The following IL6ST variants were observed in gnomAD, a reference collection of about 807,000 sequenced individuals.
IL6ST encodes the protein interleukin 6 cytokine family signal transducer, also known as interleukin-6 receptor subunit beta.
Under a neutral mutation model 91.3 loss-of-function variants are expected in IL6ST, and 24 were observed. That is an observed-to-expected ratio of 0.26 (90% CI 0.19 to 0.37). IL6ST has a LOEUF of 0.37. IL6ST is among the 10% of genes least tolerant of loss of function. The pLI, the probability that IL6ST is intolerant of heterozygous loss-of-function variation, is 1.00. For synonymous variants in IL6ST, 351 were observed against 373.6 expected, an observed-to-expected ratio of 0.94 and a Z score of 0.70; for missense variants, 914 against 1,078.5, an observed-to-expected ratio of 0.85 and a Z score of 2.14.
At chr5:55,952,197 T>G in intron 12 of IL6ST, 53 bp downstream of exon 12, 1 of 1,502,198 alleles carries the variant, frequency 6.7e-7, no homozygotes, top group Non-Finnish European at 9.2e-7. Flanking sequence ...AAAATGTTTC[T>G]GTTAATACAA....
Position 55,938,665 on chromosome 5 carries a change from A to C in IL6ST, c.*2417T>G, listed in dbSNP as rs1750685134. ...GACTAGTTTTTACATAAATAACCAG[A>C]TTTCTTTGCCTACCTAAAGTACAAT... On this transcript the variant is annotated 3_prime_UTR_variant, in exon 17 of 17. Transcript: ENST00000381298. The C allele has an allele frequency of 5.1e-6, 1 of 196,386 alleles. No homozygotes were observed. The highest frequency in any genetic ancestry group is 6.1e-5 in the Admixed American group (1 of 16,500). 12.2% of individuals were successfully genotyped at this position (196,386 alleles called of 1,614,324 possible). A position where few individuals can be genotyped will look rare whatever the true frequency, so the allele number is the denominator to read the frequency against.
chr5:55,960,795 A>G (rs926268610), intron 7 of IL6ST, among the ~76,000 whole-genome samples: 4 of 151,634 alleles, frequency 2.6e-5, no homozygotes, highest in African/African-American at 9.7e-5. Flanking sequence ...ACTCTCAGCT[A>G]ATTTCTGTAC....
intron 1 of IL6ST, among the ~76,000 whole-genome samples, chr5:55,983,791 A>G (rs1450696573): frequency 1.3e-5 from 2 of 152,218 alleles, no homozygotes; most frequent in South Asian, 2.1e-4. Flanking sequence ...CATGTATTAT[A>G]TAACTTTACA....
chr5:55,976,395 G>T, intron 2 of IL6ST, 102 bp from the exon 3 acceptor site: 1 of 532,600 alleles, frequency 1.9e-6, no homozygotes, highest in Non-Finnish European at 3.1e-6. Flanking sequence ...GTTTCTAAAA[G>T]GTGGTAAAAT....
At chr5:55,950,034 T>C (rs1319635378) in intron 14 of IL6ST, among the ~76,000 whole-genome samples, 1 of 152,168 alleles carries the variant, frequency 6.6e-6, no homozygotes, top group Non-Finnish European at 1.5e-5. Flanking sequence ...ATGAGGAGCT[T>C]GCAGTTGAAG....
Position 55,951,555 on chromosome 5 carries a change from A to G in IL6ST, c.1749T>C (p.Thr583=). The part of the protein sequence containing the change: ...SHTEYTLSSL[T]SDTLYMVRMA... The stretch of plus-strand genomic sequence containing the variant: ...TTCGTACCATGTACAATGTGTCACT[A>G]GTCAAAGAGGACAATGTATATTCTG... The change falls in exon 14 of 17, where the codon ACT becomes ACC. Residue 583 remains threonine, a synonymous_variant. Transcript: ENST00000381298. 1 of 1,611,718 alleles carries G rather than the reference A, an allele frequency of 6.2e-7. No individual in the cohort carries two copies. The highest frequency in any genetic ancestry group is 8.5e-7 in the Non-Finnish European group (1 of 1,177,828).
At position 55,960,474 on chromosome 5, in the gene IL6ST, AGCG is replaced by A. The variant is rs1465366302; in HGVS notation, c.898_900del (p.Arg300del). On this transcript the variant is annotated inframe_deletion, in exon 8 of 17. Coordinates refer to ENST00000381298, the MANE Select transcript of IL6ST (RefSeq NM_002184.4). ...TATCCCTTACCATCTTCCTTCATAC[AGCG>A]AATCCTAAACACATATTCTGTAAAA... 1 of 1,613,916 alleles carries A rather than the reference AGCG, an allele frequency of 6.2e-7. No individual in the cohort carries two copies. The highest frequency in any genetic ancestry group is 1.3e-5 in the African/African-American group (1 of 74,900).
chr5:55,948,296 A>G (rs1580793305), intron 14 of IL6ST, among the ~76,000 whole-genome samples: 1 of 152,208 alleles, frequency 6.6e-6, no homozygotes, highest in African/African-American at 2.4e-5. Flanking sequence ...GATAATTAAC[A>G]TTGGAGATTT....
At chr5:55,965,717 G>A (rs77341973) in intron 5 of IL6ST, among the ~76,000 whole-genome samples, 5,148 of 151,626 alleles carry the variant, frequency 0.034, 172 homozygotes, top group African/African-American at 0.087. Context: ...TGAGCCGGGC[G>A]GGGTGGTGGG....
rs768304921 is a variant in IL6ST, at chr5:55,941,224, G to A, written c.2615C>T (p.Ser872Phe). ...SGQMKMFQEV[S>F]AADAFGPGTE... is the part of the protein sequence containing the mutation. ...ACCTGGACCAAAAGCATCTGCTGCA[G>A]AAACTTCCTGAAACATTTTCATTTG... Residue 872 changes from serine (S) to phenylalanine (F), a missense_variant, in exon 17 of 17, where the codon TCT (serine) becomes TTT (phenylalanine). Coordinates refer to ENST00000381298, the MANE Select transcript of IL6ST (RefSeq NM_002184.4). 2 of 1,614,048 alleles carry A rather than the reference G, an allele frequency of 1.2e-6. No homozygotes were observed. The highest frequency in any genetic ancestry group is 1.7e-6 in the Non-Finnish European group (2 of 1,180,022).
intron 1 of IL6ST, among the ~76,000 whole-genome samples, chr5:55,985,944 C>T (rs1753943646): frequency 6.6e-6 from 1 of 152,188 alleles, no homozygotes; most frequent in Non-Finnish European, 1.5e-5. Context: ...TCTAACAGTA[C>T]TTTATGAAAA....
In IL6ST at chr5:55,941,216, C is replaced by G. The variant is rs1750888406; in HGVS notation, c.2623G>C (p.Asp875His). 1.9e-6 allele frequency: 3 copies of G among 1,614,178 alleles called. No homozygotes were observed. The highest frequency in any genetic ancestry group is 2.5e-6 in the Non-Finnish European group (3 of 1,180,004). The change falls in exon 17 of 17, where the codon GAT becomes CAT. Residue 875 changes from aspartate to histidine, a missense_variant. By Grantham distance (81) the Asp-to-His change is moderately conservative. Transcript: ENST00000381298. ...MKMFQEVSAA[D>H]AFGPGTEGQV... ...CCCTCAGTACCTGGACCAAAAGCAT[C>G]TGCTGCAGAAACTTCCTGAAACATT...
At position 55,941,441 on chromosome 5, in the gene IL6ST, C is replaced by T; in HGVS notation, c.2398G>A (p.Asp800Asn). 1 of 1,614,194 alleles carries T rather than the reference C, an allele frequency of 6.2e-7. No individual in the cohort carries two copies. The highest frequency in any genetic ancestry group is 8.5e-7 in the Non-Finnish European group (1 of 1,180,010). ...ATACCATCACCGCCATCTACATGAT[C>T]TACTAATTGTAGATCTTCTGGCCGC... Reference protein sequence around the residue: ...EERPEDLQLVDHVDGGDGILP... With the variant: ...EERPEDLQLVNHVDGGDGILP... Residue 800 changes from aspartate to asparagine, a missense_variant, in exon 17 of 17, where the codon GAT (aspartate) becomes AAT (asparagine). Asp to Asn is a conservative substitution (Grantham distance 23). Coordinates refer to ENST00000381298, the MANE Select transcript of IL6ST (RefSeq NM_002184.4).
chr5:55,964,237 C>A lies in IL6ST; in HGVS notation c.567G>T (p.Val189=), dbSNP rs777853685. ...PTSCTVDYST[V]YFVNIEVWVE... ...CCCAGACTTCAATGTTGACAAAATA[C>A]ACAGTAGAATAATCAACAGTGCATG... Residue 189 remains valine (V), a synonymous_variant, in exon 6 of 17, where the codon GTG becomes GTT. Coordinates refer to ENST00000381298, the MANE Select transcript of IL6ST (RefSeq NM_002184.4). The A allele has an allele frequency of 6.6e-5, 106 of 1,610,854 alleles. No individual in the cohort carries two copies. In the East Asian group the frequency reaches 2.1e-3, roughly 32 times the overall value.
chr5:55,981,970 T>C (rs566305034), intron 2 of IL6ST, among the ~76,000 whole-genome samples: 1 of 152,218 alleles, frequency 6.6e-6, no homozygotes, highest in Admixed American at 6.5e-5. Flanking sequence ...AGGAGCTAGA[T>C]GATGTATAAC....
chr5:55,940,435 C>T lies in IL6ST; in HGVS notation c.*647G>A, dbSNP rs1750830228. On this transcript the variant is annotated 3_prime_UTR_variant, in exon 17 of 17. Coordinates refer to ENST00000381298, the MANE Select transcript of IL6ST (RefSeq NM_002184.4). ...ATTATTGATGAATAAAAAATGAGTACTTTTAATCTGCCAAGTTAAAGCTCT... is the reference window on the plus strand; with the variant it reads ...ATTATTGATGAATAAAAAATGAGTATTTTTAATCTGCCAAGTTAAAGCTCT... 9.5e-6 allele frequency: 2 copies of T among 209,634 alleles called. No homozygotes were observed. The highest frequency in any genetic ancestry group is 3.8e-4 in the South Asian group (2 of 5,310). 13.0% of individuals were successfully genotyped at this position (209,634 alleles called of 1,614,324 possible).
chr5:55,986,486 G>C (rs1753978354), intron 1 of IL6ST, among the ~76,000 whole-genome samples: 2 of 151,980 alleles, frequency 1.3e-5, no homozygotes, highest in South Asian at 4.2e-4. Context: ...GCATCTTTAG[G>C]GGGTAGGCAG....
Position 55,941,274 on chromosome 5 carries a change from A to G in IL6ST, c.2565T>C (p.His855=). 4 of 1,614,142 alleles carry G rather than the reference A, an allele frequency of 2.5e-6. No homozygotes were observed. The highest frequency in any genetic ancestry group is 3.4e-6 in the Non-Finnish European group (4 of 1,179,962). Residue 855 remains histidine, a synonymous_variant, in exon 17 of 17, where the codon CAT becomes CAC. Coordinates refer to ENST00000381298, the MANE Select transcript of IL6ST (RefSeq NM_002184.4). ...GCCCAGATCCACAGGATTGTGAAAT[A>G]TGATCTGAAATCTGCTGTTTAAGTC... ...FVRLKQQISD[H]ISQSCGSGQM... is the part of the protein sequence containing the mutation.
chr5:55,969,907 A>G, intron 3 of IL6ST, 52 bp from the exon 4 acceptor site: 1 of 1,208,882 alleles, frequency 8.3e-7, no homozygotes, highest in South Asian at 1.4e-5. Context: ...TTCTGGTACA[A>G]AATGATATCT....
Sources: gnomAD v4.1 joint callset for allele counts (sites outside exome capture counted in the v4.1 genomes callset) on GRCh38, gnomAD v4.1.1 for gene constraint, MANE v1.5 for transcripts, NCBI Gene and HGNC (gene_info 2026-07-23, HGNC 2026-07-21) for gene names.